The following IYD variants were observed in gnomAD, a reference collection of about 807,000 sequenced individuals.
IYD encodes iodotyrosine deiodinase 1.
In IYD, 25 loss-of-function variants were observed where a neutral mutation model predicts 28.4. That is an observed-to-expected ratio of 0.88 (90% CI 0.64 to 1.23). The LOEUF is 1.23. Among genes scored for constraint, IYD ranks in the 50% most tolerant of loss-of-function variants. IYD has a pLI of 0.00. For missense variants in IYD, 352 were observed against 357.9 expected, an observed-to-expected ratio of 0.98 and a Z score of 0.13; for synonymous variants, 140 against 130.8, an observed-to-expected ratio of 1.07 and a Z score of -0.48.
Position 150,398,250 on chromosome 6 carries a change from A to G in IYD, c.*13A>G. ...GGTGACAGTGTAGGCAGGGCCCCCC[A>G]AGGGAGTGGCAGGGAGATGGCGCCC... On this transcript the variant is annotated 3_prime_UTR_variant, in exon 5 of 5. Transcript: ENST00000344419. 6.2e-7 allele frequency: 1 copy of G among 1,613,772 alleles called. No individual in the cohort carries two copies. The highest frequency in any genetic ancestry group is 8.5e-7 in the Non-Finnish European group (1 of 1,179,852).
chr6:150,370,417 G>A, intron 1 of IYD: 2 of 842,366 alleles, frequency 2.4e-6, no homozygotes, highest in Non-Finnish European at 2.8e-6. Context: ...GTGTGTGCGT[G>A]CGCATGAGTG....
At chr6:150,371,256 A>G (rs1016160743) in intron 1 of IYD, among the ~76,000 whole-genome samples, 6 of 152,346 alleles carry the variant, frequency 3.9e-5, no homozygotes, top group Non-Finnish European at 5.9e-5. Flanking sequence ...ATGACAGTAC[A>G]ATGAGGTAGG....
intron 2 of IYD, among the ~76,000 whole-genome samples, chr6:150,391,377 A>T (rs1778113150): frequency 6.6e-6 from 1 of 152,244 alleles, no homozygotes; most frequent in South Asian, 2.1e-4. Context: ...AAACCATCTT[A>T]CCATGTACAT....
chr6:150,369,204 A>G lies in IYD; in HGVS notation c.173A>G (p.Glu58Gly), dbSNP rs1374014377. 1 of 1,612,110 alleles carries G rather than the reference A, an allele frequency of 6.2e-7. No individual in the cohort carries two copies. The highest frequency in any genetic ancestry group is 1.1e-5 in the South Asian group (1 of 91,018). The change falls in exon 1 of 5, where the codon GAA (glutamate) becomes GGA (glycine). Residue 58 changes from glutamate (E) to glycine (G), a missense_variant. By Grantham distance (98) the Glu-to-Gly change is moderately conservative. Transcript: ENST00000344419. ...GACAGCAGTGACCTGCACCAAGCAG[A>G]AGAAGGTAAAGACACCAGCTATGCT... ...LKDSSDLHQA[E>G]EDADEWQESE...
At chr6:150,396,579 A>G in intron 4 of IYD, 1 of 647,564 alleles carries the variant, frequency 1.5e-6, no homozygotes. Context: ...TTTTCTCAAA[A>G]AAGTTTAAGA....
chr6:150,398,114 G>A lies in IYD; in HGVS notation c.747G>A (p.Val249=). The part of the protein sequence containing the change: ...TPLNCGPRLR[V]LLGRPAHEKL... The stretch of plus-strand genomic sequence containing the variant: ...TCAACTGTGGCCCTCGACTGAGGGT[G>A]CTCCTGGGCCGCCCCGCACATGAAA... The change falls in exon 5 of 5, where the codon GTG becomes GTA. Residue 249 remains valine (V), a synonymous_variant. Transcript: ENST00000344419. The A allele has an allele frequency of 6.2e-7, 1 of 1,614,204 alleles. No individual in the cohort carries two copies. The highest frequency in any genetic ancestry group is 8.5e-7 in the Non-Finnish European group (1 of 1,180,034).
intron 1 of IYD, among the ~76,000 whole-genome samples, chr6:150,378,990 T>A (rs914901966): frequency 2.0e-5 from 3 of 152,150 alleles, no homozygotes; most frequent in African/African-American, 7.2e-5. Context: ...CCAAATGGGA[T>A]CTCACCTTCA....
At position 150,392,121 on chromosome 6, in the gene IYD, C is replaced by T. The variant is rs112653150; in HGVS notation, c.371-224C>T. ...GGTGCAATCATGGCTCACTGCCTCC[C>T]GAGCTCAAGCAATCCTCCCACCTCT... is the stretch of plus-strand genomic sequence containing the variant. On this transcript the variant is annotated intron_variant, in intron 2 of 4. Coordinates refer to ENST00000344419, the MANE Select transcript of IYD (RefSeq NM_203395.3). 9.2e-3 allele frequency: 1,497 copies of T among 162,894 alleles called. 19 individuals are homozygous for T. The highest frequency in any genetic ancestry group is 0.03 in the African/African-American group (1,246 of 41,600). 10.1% of individuals were successfully genotyped at this position (162,894 alleles called of 1,614,324 possible).
Position 150,395,722 on chromosome 6 carries a change from T to G in IYD, c.687+1467T>G, listed in dbSNP as rs1477156119. The G allele has an allele frequency of 4.2e-6, 3 of 721,398 alleles. No individual in the cohort carries two copies. In the African/African-American group the frequency reaches 5.2e-5, roughly 13 times the overall value. The allele number at this position is 721,398 out of a possible 1,614,324, so 44.7% of individuals were successfully genotyped here. A position where few individuals can be genotyped will look rare whatever the true frequency, so the allele number is the denominator to read the frequency against. On this transcript the variant is annotated intron_variant, in intron 4 of 4. Coordinates refer to ENST00000344419, the MANE Select transcript of IYD (RefSeq NM_203395.3). The stretch of plus-strand genomic sequence containing the variant: ...TCTCCAGTATGGTGACTGGGTCTGA[T>G]AAGCGCGCCATGCATGTCTTGTAGA...
chr6:150,369,269 A>C, intron 1 of IYD, 60 bp downstream of exon 1: 4 of 1,513,728 alleles, frequency 2.6e-6, no homozygotes, highest in Non-Finnish European at 3.6e-6. Context: ...GATGAGTGTG[A>C]GTCAATGGCA....
chr6:150,393,933 G>A (rs1778214172), intron 3 of IYD, among the ~76,000 whole-genome samples, 166 bp from the exon 4 acceptor site: 1 of 152,004 alleles, frequency 6.6e-6, no homozygotes, highest in Non-Finnish European at 1.5e-5. Flanking sequence ...GAATGATCCT[G>A]GTCAGAAAAA....
intron 1 of IYD, among the ~76,000 whole-genome samples, chr6:150,383,583 C>T (rs1178258105): frequency 1.3e-5 from 2 of 152,070 alleles, no homozygotes; most frequent in African/African-American, 4.8e-5. Context: ...TTAACCACTA[C>T]TAAAAGTGAA....
rs1778615241 is a variant in IYD, at chr6:150,405,390, A to G, written c.*7153A>G. 1 of 152,122 alleles carries G rather than the reference A, an allele frequency of 6.6e-6. No homozygotes were observed. The highest frequency in any genetic ancestry group is 1.5e-5 in the Non-Finnish European group (1 of 68,064). 9.4% of individuals were successfully genotyped at this position (152,122 alleles called of 1,614,324 possible). On this transcript the variant is annotated 3_prime_UTR_variant, in exon 5 of 5. Coordinates refer to ENST00000344419, the MANE Select transcript of IYD (RefSeq NM_203395.3). ...CCCCTTACTTGGCCCCTCAATTCAT[A>G]CTTTTTGGGATGGAGCCTCAAATCC...
At position 150,389,458 on chromosome 6, in the gene IYD, A is replaced by G; in HGVS notation, c.285A>G (p.Glu95=). The part of the protein sequence containing the change: ...EMVKRSQEFY[E]LLNKRRSVRF... ...TTAAGAGGTCTCAGGAATTTTATGA[A>G]CTTCTCAATAAGAGACGGTCAGTCA... is the stretch of plus-strand genomic sequence containing the variant. The change falls in exon 2 of 5, where the codon GAA becomes GAG. Residue 95 remains glutamate (E), a synonymous_variant. Transcript: ENST00000344419. 6.2e-7 allele frequency: 1 copy of G among 1,613,884 alleles called. No homozygotes were observed. The highest frequency in any genetic ancestry group is 2.2e-5 in the East Asian group (1 of 44,860).
Position 150,370,077 on chromosome 6 carries a change from G to A in IYD, c.178+868G>A, listed in dbSNP as rs1401015644. ...GTGTTTGAGAAGCTTTGTCTGGGAT[G>A]GGTTCGATTTGGAAGAGGCTCTGTG... On this transcript the variant is annotated intron_variant, in intron 1 of 4. Transcript: ENST00000344419. 4.3e-6 allele frequency: 3 copies of A among 701,602 alleles called. No homozygotes were observed. In the African/African-American group the frequency reaches 5.2e-5, roughly 12 times the overall value. The allele number at this position is 701,602 out of a possible 1,614,324, so 43.5% of individuals were successfully genotyped here. A position where few individuals can be genotyped will look rare whatever the true frequency, so the allele number is the denominator to read the frequency against.
intron 1 of IYD, among the ~76,000 whole-genome samples, chr6:150,380,579 C>T (rs972540960): frequency 1.1e-4 from 16 of 152,090 alleles, no homozygotes; most frequent in African/African-American, 3.6e-4. Flanking sequence ...ATCCTCAATC[C>T]TACATGCTTT....
chr6:150,370,050 C>G, intron 1 of IYD: 1 of 702,120 alleles, frequency 1.4e-6, no homozygotes, highest in Non-Finnish European at 2.6e-6. Context: ...CTTGAGCCAT[C>G]TGTGTTTGAG....
intron 1 of IYD, chr6:150,370,706 G>A: frequency 1.0e-6 from 1 of 977,322 alleles, no homozygotes; most frequent in Non-Finnish European, 1.2e-6. Flanking sequence ...GATGGTGGGG[G>A]CAGGTGGGAA....
chr6:150,396,268 T>G (rs1463987881), intron 4 of IYD: 10 of 401,466 alleles, frequency 2.5e-5, no homozygotes, highest in Admixed American at 4.3e-5. Context: ...AAAACTTTTT[T>G]TTTCAAATTC....
Sources: allele counts gnomAD v4.1 joint callset (sites outside exome capture counted in the v4.1 genomes callset), GRCh38; gene constraint gnomAD v4.1.1; transcripts MANE v1.5; gene names NCBI Gene and HGNC (gene_info 2026-07-23, HGNC 2026-07-21).